Variants in SUPT3H observed in about 807,000 individuals in gnomAD.
SUPT3H encodes the protein SPT3 homolog, SAGA and STAGA complex component.
Under a neutral mutation model 44.3 loss-of-function variants are expected in SUPT3H, and 44 were observed. The ratio of observed to expected loss-of-function variants is 0.99; its 90% CI spans 0.78 to 1.28. The LOEUF is 1.28. SUPT3H is among the 50% of genes most tolerant of loss of function. The pLI, the probability that SUPT3H is intolerant of heterozygous loss-of-function variation, is 0.00. For missense variants in SUPT3H, 380 were observed against 387.1 expected (o/e 0.98, Z 0.15); for synonymous variants, 124 against 125.6 (o/e 0.99, Z 0.09).
intron 2 of SUPT3H, among the ~76,000 whole-genome samples, chr6:45,204,449 A>G (rs1284960): frequency 0.99 from 150,852 of 152,182 alleles, 74,791 homozygotes; most frequent in East Asian, 1. Context: ...TGGATCTACG[A>G]GGAACACTTA....
intron 2 of SUPT3H, chr6:45,322,987 A>G (rs1785760103): frequency 2.0e-6 from 3 of 1,536,232 alleles, no homozygotes; most frequent in Admixed American, 1.8e-5. Flanking sequence ...AAAAAACTTC[A>G]AACAATTAAG....
At chr6:45,180,795 G>A (rs1813014930) in intron 2 of SUPT3H, among the ~76,000 whole-genome samples, 1 of 151,950 alleles carries the variant, frequency 6.6e-6, no homozygotes, top group Admixed American at 6.6e-5. Flanking sequence ...TACCATTCAG[G>A]ACATAGGCAT....
At chr6:45,373,917 C>G (rs1374707257) in intron 1 of SUPT3H, among the ~76,000 whole-genome samples, 2 of 152,170 alleles carry the variant, frequency 1.3e-5, no homozygotes, top group Non-Finnish European at 2.9e-5. Flanking sequence ...TATACACTAT[C>G]CATGCTGTTA....
intron 2 of SUPT3H, among the ~76,000 whole-genome samples, chr6:45,278,837 G>A (rs536946903): frequency 1.3e-5 from 2 of 152,142 alleles, no homozygotes; most frequent in East Asian, 1.9e-4. Flanking sequence ...ACATATTTAG[G>A]AGCACTGCAA....
chr6:45,078,658 C>T (rs1039379170), intron 3 of SUPT3H, among the ~76,000 whole-genome samples: 3 of 152,114 alleles, frequency 2.0e-5, no homozygotes, highest in Admixed American at 6.6e-5. Context: ...TCTTTCATTT[C>T]GAAAGGAGAG....
chr6:45,183,735 G>A (rs1055563873), intron 2 of SUPT3H, among the ~76,000 whole-genome samples: 1 of 152,076 alleles, frequency 6.6e-6, no homozygotes, highest in South Asian at 2.1e-4. Context: ...AGAGTGCTTT[G>A]GAAAATATTC....
At chr6:45,162,511 A>G (rs1310669793) in intron 2 of SUPT3H, among the ~76,000 whole-genome samples, 3 of 152,174 alleles carry the variant, frequency 2.0e-5, no homozygotes, top group Non-Finnish European at 4.4e-5. Context: ...GCAACAGTGC[A>G]AAACCTCAAC....
chr6:44,974,591 T>G (rs1582847056), intron 6 of SUPT3H, among the ~76,000 whole-genome samples: 1 of 152,316 alleles, frequency 6.6e-6, no homozygotes, highest in South Asian at 2.1e-4. Context: ...AAGATCATGG[T>G]ACCAAAGGAA....
intron 10 of SUPT3H, among the ~76,000 whole-genome samples, chr6:44,863,581 T>A (rs1380274861): frequency 6.6e-6 from 1 of 151,252 alleles, no homozygotes; most frequent in Non-Finnish European, 1.5e-5. Flanking sequence ...TTAAGTGGAG[T>A]CTTTGAGGAA....
chr6:44,943,277 C>T (rs189508172), intron 9 of SUPT3H, among the ~76,000 whole-genome samples: 5 of 151,648 alleles, frequency 3.3e-5, no homozygotes, highest in African/African-American at 1.2e-4. Flanking sequence ...TTGGAGTTGA[C>T]AGAAAGAAAT....
At chr6:44,809,723 T>C (rs1416977081) in intron 11 of SUPT3H, among the ~76,000 whole-genome samples, 1 of 152,254 alleles carries the variant, frequency 6.6e-6, no homozygotes, top group Non-Finnish European at 1.5e-5. Context: ...CTCCCACTTA[T>C]GCTGGTTTTT....
chr6:45,015,038 A>C, intron 4 of SUPT3H, 147 bp from the exon 5 acceptor site: 1 of 425,416 alleles, frequency 2.4e-6, no homozygotes, highest in African/African-American at 2.0e-5. Flanking sequence ...CTATGACATA[A>C]AAAGGTAGTC....
In SUPT3H at chr6:45,175,904, T is replaced by G. The variant is rs146367822; in HGVS notation, c.102-69898A>C. Among the ~76,000 whole-genome samples, 293 of 152,312 alleles carry G rather than the reference T, an allele frequency of 1.9e-3. 1 individual carries two copies. The highest frequency in any genetic ancestry group is 6.4e-3 in the African/African-American group (265 of 41,580). On this transcript the variant is annotated intron_variant, in intron 2 of 10. Coordinates refer to ENST00000371459, the MANE Select transcript of SUPT3H (RefSeq NM_003599.4). ...CAAGGTTATTGCTAGACTGGCTGAT[T>G]TCCTTTGAATTACTTTAGAATCTTT...
intron 2 of SUPT3H, among the ~76,000 whole-genome samples, chr6:45,281,838 C>T (rs1192037964): frequency 6.6e-6 from 1 of 152,136 alleles, no homozygotes; most frequent in Non-Finnish European, 1.5e-5. Flanking sequence ...AGGCACCCCC[C>T]AGTAGGGGCA....
chr6:45,116,467 A>G (rs1029120878), intron 2 of SUPT3H, among the ~76,000 whole-genome samples: 2 of 152,158 alleles, frequency 1.3e-5, no homozygotes, highest in Admixed American at 1.3e-4. Context: ...ATGTCATTTA[A>G]ACCTCTTAAA....
intron 2 of SUPT3H, among the ~76,000 whole-genome samples, chr6:45,176,233 C>A (rs369983566): frequency 6.6e-6 from 1 of 151,648 alleles, no homozygotes; most frequent in African/African-American, 2.4e-5. Flanking sequence ...GTGCGCGAGC[C>A]GAAGCAGGGC....
chr6:45,135,731 C>T (rs1004130356), intron 2 of SUPT3H, among the ~76,000 whole-genome samples: 1 of 152,190 alleles, frequency 6.6e-6, no homozygotes, highest in African/African-American at 2.4e-5. Flanking sequence ...AGAGGGCCTT[C>T]ACCAGAAACA....
chr6:45,230,884 G>T (rs1023135881), intron 2 of SUPT3H, among the ~76,000 whole-genome samples: 4 of 151,584 alleles, frequency 2.6e-5, no homozygotes. Context: ...TGTTGGCCAG[G>T]ATGGTCTAGA....
intron 2 of SUPT3H, among the ~76,000 whole-genome samples, chr6:45,140,406 C>T (rs1804991528): frequency 6.6e-6 from 1 of 152,164 alleles, no homozygotes; most frequent in Admixed American, 6.5e-5. Flanking sequence ...GATCCCCCTA[C>T]TACTGCTACA....
Sources: allele counts gnomAD v4.1 joint callset (sites outside exome capture counted in the v4.1 genomes callset), GRCh38; gene constraint gnomAD v4.1.1; transcripts MANE v1.5; gene names NCBI Gene and HGNC (gene_info 2026-07-23, HGNC 2026-07-21).